EPRS1: variants seen among roughly 807,000 people sequenced by gnomAD.
The protein encoded by EPRS1 is bifunctional glutamate/proline--tRNA ligase.
Under a neutral mutation model 188.3 loss-of-function variants are expected in EPRS1, and 107 were observed. That is an observed-to-expected ratio of 0.57 (90% confidence interval 0.49 to 0.67). The LOEUF is 0.67. Among genes scored for constraint, EPRS1 ranks in the 30% least tolerant of loss-of-function variants. The pLI, the probability that EPRS1 is intolerant of heterozygous loss-of-function variation, is 0.00. For synonymous variants in EPRS1, 596 were observed against 593.1 expected (o/e 1.00, Z -0.07); for missense variants, 1,577 against 1,802.2 (o/e 0.88, Z 2.26).
chr1:220,002,188 C>CA (rs1661366464), intron 16 of EPRS1, among the ~76,000 whole-genome samples: 1 of 151,604 alleles, frequency 6.6e-6, no homozygotes, highest in Non-Finnish European at 1.5e-5. Flanking sequence ...AAAATTTAGC[C>CA]AGGTATGGTG....
chr1:220,024,890 G>A (rs918772972), intron 7 of EPRS1, among the ~76,000 whole-genome samples: 1 of 152,066 alleles, frequency 6.6e-6, no homozygotes, highest in Non-Finnish European at 1.5e-5. Context: ...TTAATAAATT[G>A]GTATTATAGG....
intron 16 of EPRS1, among the ~76,000 whole-genome samples, 167 bp downstream of exon 16, chr1:220,005,079 CTT>C (rs1661432786): frequency 6.6e-6 from 1 of 152,090 alleles, no homozygotes; most frequent in Non-Finnish European, 1.5e-5. Context: ...TCAAAGATCA[CTT>C]GTTAAAATAA....
intron 15 of EPRS1, 87 bp from the exon 16 acceptor site, chr1:220,005,447 A>T: frequency 1.6e-6 from 1 of 641,386 alleles, no homozygotes; most frequent in Non-Finnish European, 2.7e-6. Context: ...CCACTAACTA[A>T]AATACTCCCA....
rs751329965 is a variant in EPRS1 at position 220,020,235 on chromosome 1, AAAT to A, written c.1116-17_1116-15del. On this transcript the variant is annotated splice_polypyrimidine_tract_variant and intron_variant, in intron 9 of 31. Coordinates refer to ENST00000366923, the MANE Select transcript of EPRS1 (RefSeq NM_004446.3). ...GTTGGATAAACACTAGAAAAAAAGAAAATAAAATAAACAAAACATTTTACCCTT... is the reference window on the plus strand; with the variant it reads ...GTTGGATAAACACTAGAAAAAAAGAAAAAATAAACAAAACATTTTACCCTT... 4.4e-5 allele frequency: 67 copies of A among 1,514,488 alleles called. No homozygotes were observed. The highest frequency in any genetic ancestry group is 5.4e-5 in the Non-Finnish European group (59 of 1,096,050). 93.8% of individuals were successfully genotyped at this position (1,514,488 alleles called of 1,614,324 possible).
chr1:219,985,063 A>AG (rs1425184852), intron 20 of EPRS1, among the ~76,000 whole-genome samples: 1 of 151,608 alleles, frequency 6.6e-6, no homozygotes, highest in East Asian at 1.9e-4. Flanking sequence ...AAAAAAAAAA[A>AG]AAGAAAGAAA....
At chr1:220,019,105 C>G in intron 10 of EPRS1, 26 bp from the exon 11 acceptor site, 1 of 1,458,206 alleles carries the variant, frequency 6.9e-7, no homozygotes, top group Non-Finnish European at 9.6e-7. Flanking sequence ...TTTTAAGTAC[C>G]AAGGAAATTT....
intron 30 of EPRS1, among the ~76,000 whole-genome samples, chr1:219,971,380 T>G (rs1660661379): frequency 1.3e-5 from 2 of 152,154 alleles, no homozygotes; most frequent in Admixed American, 6.5e-5. Context: ...ATTAACTACC[T>G]AATTAGGAAA....
rs571428492 is a variant in EPRS1, at chr1:220,020,057, T to C, written c.1280A>G (p.Asn427Ser). 13 of 1,614,134 alleles carry C rather than the reference T, an allele frequency of 8.1e-6. No individual in the cohort carries two copies. Among genetic ancestry groups the C allele is most frequent in the South Asian group, 2.2e-5 (2 of 91,086 alleles). Residue 427 changes from asparagine to serine, a missense_variant, in exon 10 of 32, where the codon AAT becomes AGT. Physicochemically the swap from Asn to Ser is conservative, Grantham distance 46. Transcript: ENST00000366923. ...KPYIWEYSRL[N>S]LNNTVLSKRK... is the part of the protein sequence containing the mutation. ...TTTGGATAGCACTGTGTTGTTGAGA[T>C]TTAGCCGACTATATTCCCAAATATA...
chr1:220,044,182 G>C (rs146584983), intron 1 of EPRS1, among the ~76,000 whole-genome samples: 15 of 152,144 alleles, frequency 9.9e-5, no homozygotes, highest in Non-Finnish European at 1.5e-4. Context: ...GAAAATTCTA[G>C]CAATGCAACT....
Position 219,987,223 on chromosome 1 carries a change from C to T in EPRS1, c.2957G>A (p.Arg986Lys), listed in dbSNP as rs767282821. ...TCCTTGGTTTTTAGAAGGGTCTTTCCTTTGGCCATCATTTTGTTTCTGAGG... is the reference window on the plus strand; with the variant it reads ...TCCTTGGTTTTTAGAAGGGTCTTTCTTTTGGCCATCATTTTGTTTCTGAGG... ...NKPQKQNDGQ[R>K]KDPSKNQGGG... The change falls in exon 20 of 32, where the codon AGG becomes AAG. Residue 986 changes from arginine to lysine, a missense_variant. Coordinates refer to ENST00000366923, the MANE Select transcript of EPRS1 (RefSeq NM_004446.3). 3.7e-6 allele frequency: 6 copies of T among 1,614,076 alleles called. No individual in the cohort carries two copies. The Admixed American group carries it at 1.0e-4, about 27-fold the overall frequency.
intron 21 of EPRS1, among the ~76,000 whole-genome samples, chr1:219,983,785 C>T (rs934786242): frequency 4.0e-5 from 6 of 150,722 alleles, no homozygotes; most frequent in African/African-American, 1.2e-4. Flanking sequence ...CCCAGGTACT[C>T]GGGAGGCTGA....
intron 2 of EPRS1, among the ~76,000 whole-genome samples, chr1:220,038,492 G>C (rs1371685620): frequency 6.7e-6 from 1 of 149,646 alleles, no homozygotes; most frequent in Non-Finnish European, 1.5e-5. Flanking sequence ...CGTGGGCTCA[G>C]GTGATCATCC....
At chr1:220,012,590 G>A (rs1021895331) in intron 12 of EPRS1, among the ~76,000 whole-genome samples, 3 of 152,162 alleles carry the variant, frequency 2.0e-5, no homozygotes, top group African/African-American at 7.2e-5. Flanking sequence ...GGGAAACTTG[G>A]ATTCAAAGAC....
chr1:220,007,437 G>C, intron 13 of EPRS1, 99 bp from the exon 14 acceptor site: 1 of 1,183,568 alleles, frequency 8.4e-7, no homozygotes, highest in Non-Finnish European at 1.2e-6. Context: ...CCATACAAAA[G>C]TCTTCTGTGT....
At chr1:220,041,329 C>CAA (rs767205899) in intron 1 of EPRS1, among the ~76,000 whole-genome samples, 2 of 129,136 alleles carry the variant, frequency 1.5e-5, no homozygotes, top group African/African-American at 2.8e-5. Flanking sequence ...GAAACTGTCT[C>CAA]AAAAAAAAAA....
intron 10 of EPRS1, among the ~76,000 whole-genome samples, chr1:220,019,653 C>T (rs998925940): frequency 5.3e-5 from 8 of 152,114 alleles, no homozygotes; most frequent in Admixed American, 3.3e-4. Context: ...AAAGAAAAAC[C>T]TCAGCCTCAG....
chr1:220,039,903 G>A (rs1011910556), intron 2 of EPRS1, among the ~76,000 whole-genome samples: 5 of 152,194 alleles, frequency 3.3e-5, no homozygotes, highest in Non-Finnish European at 7.4e-5. Flanking sequence ...TGCTGAGGCC[G>A]GAGGATGGCT....
intron 6 of EPRS1, among the ~76,000 whole-genome samples, chr1:220,029,790 C>G (rs1217182426): frequency 6.6e-6 from 1 of 152,150 alleles, no homozygotes; most frequent in Non-Finnish European, 1.5e-5. Context: ...TCCTTCTCAG[C>G]CTTGGGGAAT....
chr1:219,973,376 A>G lies in EPRS1; in HGVS notation c.4106T>C (p.Val1369Ala), dbSNP rs1017159417. The change falls in exon 29 of 32, where the codon GTT (valine) becomes GCT (alanine). Residue 1369 changes from valine (V) to alanine (A), a missense_variant. Physicochemically the swap from Val to Ala is moderately conservative, Grantham distance 64. This residue lies in a region of EPRS1 where 296 missense variants were observed against 327.9 expected (regional missense o/e 0.90). Coordinates refer to ENST00000366923, the MANE Select transcript of EPRS1 (RefSeq NM_004446.3). ...ACAGCTCTTCATATCACGTGGCCCAACTTCAAGTCTAATGGGAACTCCCTA... is the reference window on the plus strand; with the variant it reads ...ACAGCTCTTCATATCACGTGGCCCAGCTTCAAGTCTAATGGGAACTCCCTA... ...ELKGVPIRLE[V>A]GPRDMKSCQF... is the part of the protein sequence containing the mutation. 1 of 1,612,236 alleles carries G rather than the reference A, an allele frequency of 6.2e-7. No homozygotes were observed. The highest frequency in any genetic ancestry group is 1.3e-5 in the African/African-American group (1 of 74,526).
Sources: allele counts gnomAD v4.1 joint callset (sites outside exome capture counted in the v4.1 genomes callset), GRCh38; gene constraint gnomAD v4.1.1; regional missense constraint gnomAD v4.1.1; transcripts MANE v1.5; gene names NCBI Gene and HGNC (gene_info 2026-07-23, HGNC 2026-07-21).